FNIP2: variants seen among roughly 807,000 people sequenced by gnomAD.
The protein encoded by FNIP2 is folliculin interacting protein 2.
FNIP2 carries 32 observed loss-of-function variants against 108.7 expected under a neutral mutation model. The ratio of observed to expected loss-of-function variants is 0.29; its 90% CI spans 0.22 to 0.40. FNIP2 has a LOEUF of 0.40. Ranked by LOEUF, FNIP2 falls within the 10% of genes least tolerant of loss-of-function variation. The pLI is 1.00. For synonymous variants in FNIP2, 480 were observed against 496.7 expected (o/e 0.97, Z 0.45); for missense variants, 1,202 against 1,381.6 (o/e 0.87, Z 2.06).
At chr4:158,781,443 G>A (rs965666657) in intron 1 of FNIP2, among the ~76,000 whole-genome samples, 3 of 152,188 alleles carry the variant, frequency 2.0e-5, no homozygotes, top group African/African-American at 7.2e-5. Context: ...ACCCCAAAGT[G>A]TAGATGGGGA....
At chr4:158,799,676 C>A (rs572046547) in intron 1 of FNIP2, among the ~76,000 whole-genome samples, 32 of 152,198 alleles carry the variant, frequency 2.1e-4, no homozygotes, top group African/African-American at 7.2e-4. Flanking sequence ...CAACCTGGCT[C>A]AAAATCAAAG....
chr4:158,864,322 C>A (rs574208811), intron 12 of FNIP2, among the ~76,000 whole-genome samples: 1 of 152,142 alleles, frequency 6.6e-6, no homozygotes, highest in Non-Finnish European at 1.5e-5. Context: ...AGCCACCATA[C>A]CCAGCTGACA....
chr4:158,806,408 C>T (rs1348558449), intron 1 of FNIP2: 5 of 1,288,870 alleles, frequency 3.9e-6, no homozygotes, highest in East Asian at 5.5e-5. Context: ...ACTGACCACA[C>T]GGAACTCGAC....
intron 1 of FNIP2, among the ~76,000 whole-genome samples, chr4:158,776,514 A>G (rs1775865991): frequency 6.6e-6 from 1 of 152,122 alleles, no homozygotes; most frequent in East Asian, 1.9e-4. Flanking sequence ...TTATGGGGGG[A>G]AAAGTATGTT....
rs540779276 is a variant in FNIP2, at chr4:158,852,059, C to T, written c.857+609C>T. 2.0e-5 allele frequency among the ~76,000 whole-genome samples: 3 copies of T among 152,252 alleles called. No individual in the cohort carries two copies. In the East Asian group the frequency reaches 5.8e-4, roughly 29 times the overall value. On this transcript the variant is annotated intron_variant, in intron 8 of 16. Transcript: ENST00000264433. The stretch of plus-strand genomic sequence containing the variant: ...TTTTATATGTACCTATAAAAATTCA[C>T]ATGTCAATTAACTGATTTAGTAAAT...
intron 8 of FNIP2, among the ~76,000 whole-genome samples, chr4:158,853,157 A>T (rs562938703): frequency 6.6e-6 from 1 of 152,272 alleles, no homozygotes; most frequent in African/African-American, 2.4e-5. Flanking sequence ...TCATTATGTG[A>T]TATCTTGTGT....
At chr4:158,831,829 T>A in intron 3 of FNIP2, 32 bp from the exon 4 acceptor site, 2 of 1,391,214 alleles carry the variant, frequency 1.4e-6, no homozygotes, top group Non-Finnish European at 2.0e-6. Context: ...ATGTTCCATG[T>A]ACTAACTTTG....
chr4:158,901,128 A>ATTTTTTT (rs140017298), intron 16 of FNIP2, among the ~76,000 whole-genome samples: 3 of 112,300 alleles, frequency 2.7e-5, no homozygotes, highest in African/African-American at 7.4e-5. Flanking sequence ...CTGGGTTGAA[A>ATTTTTTT]TTTTTTTTTT....
At chr4:158,780,489 G>A (rs1481207565) in intron 1 of FNIP2, among the ~76,000 whole-genome samples, 1 of 152,028 alleles carries the variant, frequency 6.6e-6, no homozygotes, top group Admixed American at 6.6e-5. Flanking sequence ...ATCATTTCAC[G>A]CATGTCTCAT....
At chr4:158,837,100 A>G (rs1379461848) in intron 7 of FNIP2, among the ~76,000 whole-genome samples, 1 of 152,162 alleles carries the variant, frequency 6.6e-6, no homozygotes, top group Admixed American at 6.5e-5. Context: ...CCTGCGACCC[A>G]GCCCCTGACA....
intron 8 of FNIP2, among the ~76,000 whole-genome samples, chr4:158,853,458 T>C (rs1779810545): frequency 6.6e-6 from 1 of 152,206 alleles, no homozygotes; most frequent in African/African-American, 2.4e-5. Context: ...ACATGTGCCA[T>C]GTTGGTGTGC....
intron 12 of FNIP2, 98 bp downstream of exon 12, chr4:158,861,874 C>A (rs1452013003): frequency 2.2e-6 from 3 of 1,385,640 alleles, no homozygotes; most frequent in Non-Finnish European, 3.0e-6. Context: ...CCCAGTAATT[C>A]ATAGGTTGTC....
intron 8 of FNIP2, among the ~76,000 whole-genome samples, chr4:158,853,911 A>G (rs915844410): frequency 6.6e-6 from 1 of 152,218 alleles, no homozygotes; most frequent in Non-Finnish European, 1.5e-5. Flanking sequence ...ATATAATTCA[A>G]AAAGCCTGTT....
At chr4:158,897,639 T>G (rs937622605) in intron 16 of FNIP2, among the ~76,000 whole-genome samples, 1 of 152,232 alleles carries the variant, frequency 6.6e-6, no homozygotes, top group Non-Finnish European at 1.5e-5. Context: ...ATAAATGTCT[T>G]CTTTTGAGAA....
At chr4:158,772,765 C>A (rs903100889) in intron 1 of FNIP2, among the ~76,000 whole-genome samples, 3 of 152,170 alleles carry the variant, frequency 2.0e-5, no homozygotes, top group Non-Finnish European at 4.4e-5. Context: ...GGCGCTCTAC[C>A]TGTATAAATC....
At chr4:158,883,486 C>G (rs1781832818) in intron 14 of FNIP2, among the ~76,000 whole-genome samples, 1 of 152,180 alleles carries the variant, frequency 6.6e-6, no homozygotes, top group Admixed American at 6.5e-5. Context: ...TGTGATCCGC[C>G]CACCTCAGCC....
intron 10 of FNIP2, 113 bp downstream of exon 10, chr4:158,859,779 TGGTTCCGCCCTTCAA>T: frequency 1.1e-6 from 1 of 889,522 alleles, no homozygotes; most frequent in Non-Finnish European, 1.8e-6. Flanking sequence ...CTCACTTTTG[TGGTTCCGCCCTTCAA>T]GATGGAAACA....
chr4:158,873,520 C>T (rs945283432), intron 14 of FNIP2, among the ~76,000 whole-genome samples: 1 of 152,128 alleles, frequency 6.6e-6, no homozygotes, highest in Non-Finnish European at 1.5e-5. Context: ...TAAATGTACA[C>T]TTTTATAACT....
chr4:158,855,741 C>T (rs139529986), intron 8 of FNIP2, among the ~76,000 whole-genome samples: 10 of 152,312 alleles, frequency 6.6e-5, no homozygotes, highest in Admixed American at 3.3e-4. Flanking sequence ...CCACTGCACC[C>T]GGCCTAAGAT....
Sources: allele counts gnomAD v4.1 joint callset (sites outside exome capture counted in the v4.1 genomes callset), GRCh38; gene constraint gnomAD v4.1.1; transcripts MANE v1.5; gene names NCBI Gene and HGNC (gene_info 2026-07-23, HGNC 2026-07-21).